Variants in AMD1 observed in about 807,000 individuals in gnomAD.
The protein encoded by AMD1 is S-adenosylmethionine decarboxylase proenzyme.
In AMD1, 11 loss-of-function variants were observed where a neutral mutation model predicts 40.2. The ratio of observed to expected loss-of-function variants is 0.27; its 90% confidence interval spans 0.17 to 0.45. The LOEUF (loss-of-function observed/expected upper bound fraction) is 0.45. AMD1 is among the 20% of genes least tolerant of loss of function. AMD1 has a pLI of 1.00. For missense variants in AMD1, 257 were observed against 410.2 expected, an observed-to-expected ratio of 0.63 and a Z score of 3.23; for synonymous variants, 121 against 130.8, an observed-to-expected ratio of 0.93 and a Z score of 0.51.
the AMD1 span, among the ~76,000 whole-genome samples, chr6:110,852,036 T>C: frequency 6.7e-6 from 1 of 150,108 alleles, no homozygotes; most frequent in East Asian, 2.0e-4. Context: ...CAATCTTCTG[T>C]AACATAACGA....
At chr6:110,857,658 A>C in the AMD1 span, among the ~76,000 whole-genome samples, 1 of 139,340 alleles carries the variant, frequency 7.2e-6, no homozygotes. Context: ...TATAGATGGT[A>C]TATATATATA....
At chr6:110,891,552 C>T (rs1323548504) in intron 4 of AMD1, 2 of 154,004 alleles carry the variant, frequency 1.3e-5, no homozygotes, top group African/African-American at 4.8e-5. Context: ...CTAGATAAGG[C>T]TGAAAACCTA....
chr6:110,892,346 C>A lies in AMD1; in HGVS notation c.518C>A (p.Pro173Gln). 1 of 1,613,392 alleles carries A rather than the reference C, an allele frequency of 6.2e-7. No homozygotes were observed. Among genetic ancestry groups the A allele is most frequent in the South Asian group, 1.1e-5 (1 of 91,038 alleles). The change falls in exon 6 of 9, where the codon CCA becomes CAA. Residue 173 changes from proline (P) to glutamine (Q), a missense_variant. Pro to Gln is a moderately conservative substitution (Grantham distance 76). Transcript: ENST00000368885. ...DFPESRVISQ[P>Q]DQTLEILMSE... is the part of the protein sequence containing the mutation. ...CCAGAGAGTCGGGTAATCAGTCAGC[C>A]AGATCAAACCTTGGAAATTCTGATG... is the stretch of plus-strand genomic sequence containing the variant.
the AMD1 span, chr6:110,814,804 C>A: frequency 1.4e-6 from 1 of 701,362 alleles, no homozygotes; most frequent in East Asian, 3.0e-5. Flanking sequence ...GGCTGCGCCG[C>A]GGGAGTTCGA....
intron 1 of AMD1, among the ~76,000 whole-genome samples, chr6:110,886,640 G>A (rs1194239535): frequency 6.6e-6 from 1 of 152,208 alleles, no homozygotes; most frequent in Non-Finnish European, 1.5e-5. Flanking sequence ...GGGCATGGTG[G>A]CACATGCCTG....
upstream of AMD1, among the ~76,000 whole-genome samples, chr6:110,870,279 A>G (rs962637923): frequency 2.0e-5 from 3 of 152,208 alleles, no homozygotes; most frequent in African/African-American, 7.2e-5. Flanking sequence ...TGTAACGATT[A>G]GTTCTCAGAA....
chr6:110,833,938 G>T, the AMD1 span, among the ~76,000 whole-genome samples: 2 of 152,174 alleles, frequency 1.3e-5, no homozygotes, highest in Non-Finnish European at 2.9e-5. Context: ...ATAGTTATCA[G>T]TATTTCGTGT....
chr6:110,853,157 C>T, the AMD1 span, among the ~76,000 whole-genome samples: 1 of 151,600 alleles, frequency 6.6e-6, no homozygotes, highest in African/African-American at 2.4e-5. Context: ...GAGTCTCACT[C>T]TGTCACTCCG....
At chr6:110,858,481 C>G in the AMD1 span, 1 of 1,332,812 alleles carries the variant, frequency 7.5e-7, no homozygotes, top group Non-Finnish European at 1.1e-6. Context: ...CCATGCAGAA[C>G]TGGCACCAAC....
the AMD1 span, among the ~76,000 whole-genome samples, chr6:110,852,173 A>G: frequency 8.4e-6 from 1 of 119,362 alleles, no homozygotes; most frequent in East Asian, 2.3e-4. Flanking sequence ...CCTACTGACT[A>G]TAGGCATGCA....
chr6:110,860,833 CCACACACA>C, the AMD1 span, among the ~76,000 whole-genome samples: 35 of 128,186 alleles, frequency 2.7e-4, no homozygotes, highest in African/African-American at 8.2e-4. Flanking sequence ...AAACACCCAC[CCACACACA>C]CACACACACA....
the AMD1 span, chr6:110,858,306 T>C: frequency 1.2e-6 from 1 of 844,462 alleles, no homozygotes; most frequent in Non-Finnish European, 2.0e-6. Context: ...AACCGGCTCC[T>C]GTGCAAATAT....
intron 1 of AMD1, among the ~76,000 whole-genome samples, chr6:110,882,392 C>G (rs2115286844): frequency 1.3e-5 from 2 of 152,304 alleles, no homozygotes; most frequent in South Asian, 2.1e-4. Context: ...TGCAATTACT[C>G]AGCTCTGCCC....
chr6:110,816,734 C>A, the AMD1 span, among the ~76,000 whole-genome samples: 1 of 152,106 alleles, frequency 6.6e-6, no homozygotes, highest in African/African-American at 2.4e-5. Context: ...AACTTGTCTC[C>A]ACCACTCCTG....
intron 3 of AMD1, 33 bp from the exon 4 acceptor site, chr6:110,890,221 C>CTTTT: frequency 4.9e-6 from 7 of 1,420,232 alleles, no homozygotes; most frequent in Non-Finnish European, 4.8e-6. Context: ...CTAAAGTCAT[C>CTTTT]TTTTTTTTTC....
At chr6:110,852,797 T>C in the AMD1 span, among the ~76,000 whole-genome samples, 2 of 152,166 alleles carry the variant, frequency 1.3e-5, no homozygotes, top group Non-Finnish European at 2.9e-5. Context: ...CTCTACCTTA[T>C]AGGTAGTCAA....
chr6:110,869,442 G>A, the AMD1 span, among the ~76,000 whole-genome samples: 1 of 150,614 alleles, frequency 6.6e-6, no homozygotes, highest in South Asian at 2.1e-4. Flanking sequence ...CATTACTTTA[G>A]CTTCTATTTC....
the AMD1 span, chr6:110,815,119 CT>C: frequency 6.2e-7 from 1 of 1,601,588 alleles, no homozygotes; most frequent in Non-Finnish European, 8.5e-7. Context: ...CCAGCTTCGC[CT>C]TGAAATCATA....
chr6:110,828,463 A>G, the AMD1 span, among the ~76,000 whole-genome samples: 6 of 151,914 alleles, frequency 3.9e-5, no homozygotes, highest in Non-Finnish European at 5.9e-5. Context: ...AAAAGAAAAG[A>G]AAAAGAAAAA....
Sources: allele counts gnomAD v4.1 joint callset (sites outside exome capture counted in the v4.1 genomes callset), GRCh38; gene constraint gnomAD v4.1.1; transcripts MANE v1.5; gene names NCBI Gene and HGNC (gene_info 2026-07-23, HGNC 2026-07-21).